The following THADA variants were observed in gnomAD, a reference collection of about 807,000 sequenced individuals.
The protein encoded by THADA is tRNA (32-2'-O)-methyltransferase regulator THADA.
THADA carries 213 observed loss-of-function variants against 219.8 expected under a neutral mutation model. The observed-to-expected ratio is 0.97, with a 90% CI of 0.87 to 1.09. The LOEUF (loss-of-function observed/expected upper bound fraction) is 1.09. Ranked by LOEUF, THADA falls within the 50% of genes least tolerant of loss-of-function variation. The probability of loss-of-function intolerance (pLI) is 0.00; values close to 1 mark genes in which losing one functional copy is unlikely to be tolerated. For synonymous variants in THADA, 1,018 were observed against 828.9 expected, an observed-to-expected ratio of 1.23 and a Z score of -3.92; for missense variants, 2,956 against 2,311.3, an observed-to-expected ratio of 1.28 and a Z score of -5.72.
intron 31 of THADA, among the ~76,000 whole-genome samples, chr2:43,315,499 G>T (rs1401390066): frequency 6.6e-6 from 1 of 150,538 alleles, no homozygotes; most frequent in Non-Finnish European, 1.5e-5. Flanking sequence ...ATCTTGCTCT[G>T]TCACCCAGGT....
chr2:43,459,527 G>C (rs1008120982), intron 26 of THADA, among the ~76,000 whole-genome samples: 14 of 152,148 alleles, frequency 9.2e-5, no homozygotes, highest in African/African-American at 3.4e-4. Context: ...ATTCTAGTAA[G>C]AGAAAACAGA....
chr2:43,312,298 G>A (rs1410537962), intron 31 of THADA, among the ~76,000 whole-genome samples: 1 of 152,036 alleles, frequency 6.6e-6, no homozygotes, highest in East Asian at 1.9e-4. Context: ...AATGTGGGTA[G>A]AAGGTTTCAT....
Position 43,574,439 on chromosome 2 carries a change from T to C in THADA, c.1626A>G (p.Lys542=). The C allele has an allele frequency of 2.5e-6, 4 of 1,612,698 alleles. No homozygotes were observed. Among genetic ancestry groups the C allele is most frequent in the Non-Finnish European group, 3.4e-6 (4 of 1,179,244 alleles). ...FILCEGNLDQ[K]SYVIDYYLPK... ...GCAAGTAATAATCAATCACGTAAGA[T>C]TTTTGATCCAAGTTTCCTTCACACA... Residue 542 remains lysine, a synonymous_variant, in exon 11 of 38, where the codon AAA becomes AAG. Coordinates refer to ENST00000405975, the MANE Select transcript of THADA (RefSeq NM_022065.5).
intron 28 of THADA, among the ~76,000 whole-genome samples, chr2:43,403,336 C>T (rs1299837916): frequency 2.6e-5 from 4 of 152,128 alleles, no homozygotes; most frequent in Admixed American, 2.0e-4. Context: ...AGCAGAACAA[C>T]GAAGATGATG....
chr2:43,300,355 G>A (rs1293355822), intron 31 of THADA, among the ~76,000 whole-genome samples: 4 of 151,994 alleles, frequency 2.6e-5, no homozygotes, highest in Admixed American at 2.6e-4. Flanking sequence ...ACCTAGACAA[G>A]ATTTAACTCT....
At chr2:43,287,208 C>T (rs1674136408) in intron 34 of THADA, 147 bp from the exon 35 acceptor site, 1 of 662,716 alleles carries the variant, frequency 1.5e-6, no homozygotes, top group Admixed American at 2.9e-5. Flanking sequence ...TTTTCGATTC[C>T]AACTAGAGAG....
intron 29 of THADA, among the ~76,000 whole-genome samples, chr2:43,386,740 C>T (rs1672734644): frequency 6.6e-6 from 1 of 151,798 alleles, no homozygotes; most frequent in East Asian, 1.9e-4. Context: ...CTAAAACATA[C>T]AAAAAATTAG....
chr2:43,348,765 C>T (rs553796715), intron 29 of THADA, among the ~76,000 whole-genome samples: 90 of 152,224 alleles, frequency 5.9e-4, no homozygotes, highest in African/African-American at 2.1e-3. Context: ...CTACAGCAGG[C>T]TTGGGAATGA....
At position 43,507,123 on chromosome 2, in the gene THADA, C is replaced by G. The variant is rs960822782; in HGVS notation, c.3508-1388G>C. ...GGAATATAACTTTATTAGTAAGTCA[C>G]GCTAAGAGAAATGAAGACTCTCTTT... On this transcript the variant is annotated intron_variant, in intron 23 of 37. Transcript: ENST00000405975. 5.3e-5 allele frequency among the ~76,000 whole-genome samples: 8 copies of G among 152,038 alleles called. No homozygotes were observed. The East Asian group carries it at 1.5e-3, about 29-fold the overall frequency.
At position 43,231,300 on chromosome 2, in the gene THADA, C is replaced by A; in HGVS notation, c.5510G>T (p.Trp1837Leu). Residue 1837 changes from tryptophan to leucine, a missense_variant, in exon 38 of 38, where the codon TGG becomes TTG. Trp to Leu is a moderately conservative substitution (Grantham distance 61). Coordinates refer to ENST00000405975, the MANE Select transcript of THADA (RefSeq NM_022065.5). ...YLFEKAEVNF[W>L]AETLIFVKYL... ...TTTCACAAAGATCAGGGTCTCGGCC[C>A]AAAAGTTGACTTCTGCTTTTTCAAA... 6.3e-7 allele frequency: 1 copy of A among 1,575,100 alleles called. No homozygotes were observed. The highest frequency in any genetic ancestry group is 8.6e-7 in the Non-Finnish European group (1 of 1,165,380).
chr2:43,265,365 G>C (rs1671401988), intron 36 of THADA, among the ~76,000 whole-genome samples: 2 of 152,346 alleles, frequency 1.3e-5, no homozygotes, highest in South Asian at 4.1e-4. Context: ...CTCACAATCA[G>C]AGCCTCAATC....
In THADA at chr2:43,549,438, T is replaced by G. The variant is rs1246626122; in HGVS notation, c.2948-70A>C. On this transcript the variant is annotated intron_variant, in intron 19 of 37. Coordinates refer to ENST00000405975, the MANE Select transcript of THADA (RefSeq NM_022065.5). ...CATGCCAGATTTCCCTTGGGGATGC[T>G]TACTCAAAAAATCTATAATTTTCAA... 7 of 1,457,624 alleles carry G rather than the reference T, an allele frequency of 4.8e-6. No individual in the cohort carries two copies. In the East Asian group the frequency reaches 1.8e-4, roughly 37 times the overall value. 90.3% of individuals were successfully genotyped at this position (1,457,624 alleles called of 1,614,324 possible). A position where few individuals can be genotyped will look rare whatever the true frequency, so the allele number is the denominator to read the frequency against.
intron 31 of THADA, among the ~76,000 whole-genome samples, chr2:43,296,710 C>T (rs961866465): frequency 1.3e-5 from 2 of 152,212 alleles, no homozygotes; most frequent in Non-Finnish European, 2.9e-5. Flanking sequence ...GTACTATCAT[C>T]TCCAGGTACC....
intron 22 of THADA, among the ~76,000 whole-genome samples, chr2:43,512,543 C>A (rs1690624837): frequency 6.6e-6 from 1 of 152,194 alleles, no homozygotes. Flanking sequence ...ACTCTTCTTG[C>A]CCAGGTTGGA....
chr2:43,535,328 AG>A (rs1694426854), intron 21 of THADA, among the ~76,000 whole-genome samples: 1 of 151,468 alleles, frequency 6.6e-6, no homozygotes, highest in South Asian at 2.1e-4. Flanking sequence ...GAAGGTTTTT[AG>A]TTTGATATAA....
At chr2:43,494,797 C>T (rs1688066627) in intron 25 of THADA, among the ~76,000 whole-genome samples, 1 of 152,200 alleles carries the variant, frequency 6.6e-6, no homozygotes, top group Non-Finnish European at 1.5e-5. Flanking sequence ...TTACATACTA[C>T]ATTTCCCTAT....
chr2:43,454,510 GA>G (rs1380388416), intron 26 of THADA, among the ~76,000 whole-genome samples: 2 of 152,012 alleles, frequency 1.3e-5, no homozygotes, highest in African/African-American at 4.8e-5. Context: ...GCTGAGGTGG[GA>G]ACATCTCTTG....
At chr2:43,446,900 A>G (rs948014318) in intron 26 of THADA, among the ~76,000 whole-genome samples, 1 of 152,218 alleles carries the variant, frequency 6.6e-6, no homozygotes, top group East Asian at 1.9e-4. Flanking sequence ...AGGTACCTCT[A>G]GAGACTCTAC....
intron 29 of THADA, among the ~76,000 whole-genome samples, chr2:43,360,043 A>G (rs1669330673): frequency 6.6e-6 from 1 of 152,098 alleles, no homozygotes; most frequent in South Asian, 2.1e-4. Flanking sequence ...CAAATTAATC[A>G]AAGTGCAATT....
Sources: allele counts gnomAD v4.1 joint callset (sites outside exome capture counted in the v4.1 genomes callset), GRCh38; gene constraint gnomAD v4.1.1; transcripts MANE v1.5; gene names NCBI Gene and HGNC (gene_info 2026-07-23, HGNC 2026-07-21).